Variants in ICE2 observed in about 807,000 individuals in gnomAD.
The protein encoded by ICE2 is little elongation complex subunit 2.
In ICE2, 87 loss-of-function variants were observed where a neutral mutation model predicts 105.4. The ratio of observed to expected loss-of-function variants is 0.83; its 90% confidence interval spans 0.69 to 0.99. The LOEUF (loss-of-function observed/expected upper bound fraction) is 0.99. ICE2 is among the 50% of genes least tolerant of loss of function. The pLI is 0.00. For synonymous variants in ICE2, 399 were observed against 392.0 expected, an observed-to-expected ratio of 1.02 and a Z score of -0.21; for missense variants, 1,323 against 1,146.7, an observed-to-expected ratio of 1.15 and a Z score of -2.22.
intron 11 of ICE2, among the ~76,000 whole-genome samples, chr15:60,444,683 TTTATTA>T (rs1054656862): frequency 3.9e-5 from 6 of 152,164 alleles, no homozygotes; most frequent in Non-Finnish European, 7.4e-5. Context: ...AATTAGCCTC[TTTATTA>T]TTATTTTTTT....
intron 3 of ICE2, among the ~76,000 whole-genome samples, chr15:60,468,663 T>C (rs1314002272): frequency 6.6e-6 from 1 of 152,206 alleles, no homozygotes; most frequent in East Asian, 1.9e-4. Context: ...TTTATTAAAT[T>C]TGAGTTTTTA....
Position 60,455,319 on chromosome 15 carries a change from T to C in ICE2, c.783+7A>G. 8 of 1,596,842 alleles carry C rather than the reference T, an allele frequency of 5.0e-6. No individual in the cohort carries two copies. The highest frequency in any genetic ancestry group is 6.9e-6 in the Non-Finnish European group (8 of 1,164,956). On this transcript the variant is annotated splice_region_variant and intron_variant, in intron 7 of 15. Coordinates refer to ENST00000261520, the MANE Select transcript of ICE2 (RefSeq NM_024611.6). ...TTAGGAAGATCCAATGTTGCCTTGG[T>C]ACTTACATAATGCATAGCTTCAGCT...
At chr15:60,468,569 T>C (rs1051526411) in intron 3 of ICE2, among the ~76,000 whole-genome samples, 2 of 152,242 alleles carry the variant, frequency 1.3e-5, no homozygotes, top group African/African-American at 2.4e-5. Context: ...GGTATACTTA[T>C]TCAATTTAGA....
At chr15:60,424,338 G>A (rs1033706360) in intron 15 of ICE2, among the ~76,000 whole-genome samples, 1 of 151,680 alleles carries the variant, frequency 6.6e-6, no homozygotes, top group African/African-American at 2.4e-5. Context: ...CAAGTAGCAG[G>A]GAAATCCTGA....
chr15:60,454,059 C>T (rs1376645080), intron 8 of ICE2, among the ~76,000 whole-genome samples: 1 of 152,110 alleles, frequency 6.6e-6, no homozygotes, highest in Admixed American at 6.5e-5. Flanking sequence ...GTCATTATTA[C>T]TCAGTTTCTT....
intron 12 of ICE2, chr15:60,440,476 C>T (rs1016370561): frequency 2.6e-5 from 4 of 152,190 alleles, no homozygotes; most frequent in South Asian, 2.1e-4. Context: ...AAGTGGGGAA[C>T]ATGTTTATAG....
At chr15:60,450,387 G>T (rs554262275) in intron 9 of ICE2, among the ~76,000 whole-genome samples, 16 of 152,228 alleles carry the variant, frequency 1.1e-4, no homozygotes, top group African/African-American at 3.9e-4. Context: ...TAAAAGATGG[G>T]GCAGAAATTG....
Position 60,453,295 on chromosome 15 carries a change from CA to C in ICE2, c.1125+307del, listed in dbSNP as rs1252591365. Reference sequence around the variant, plus strand: ...AACAAAACCTCATATTAACCACCACCATCAAGGAGTTTTCACTACATACATA... The same window carrying C: ...AACAAAACCTCATATTAACCACCACCTCAAGGAGTTTTCACTACATACATA... On this transcript the variant is annotated intron_variant, in intron 9 of 15. Coordinates refer to ENST00000261520, the MANE Select transcript of ICE2 (RefSeq NM_024611.6). 2.8e-6 allele frequency: 3 copies of C among 1,083,210 alleles called. No individual in the cohort carries two copies. In the Admixed American group the frequency reaches 1.5e-4, roughly 53 times the overall value. The allele number at this position is 1,083,210 out of a possible 1,614,324, so 67.1% of individuals were successfully genotyped here. A position where few individuals can be genotyped will look rare whatever the true frequency, so the allele number is the denominator to read the frequency against.
chr15:60,454,140 T>G (rs2064036880), intron 8 of ICE2, among the ~76,000 whole-genome samples: 1 of 152,224 alleles, frequency 6.6e-6, no homozygotes, highest in African/African-American at 2.4e-5. Flanking sequence ...AATTTGTAGT[T>G]TTGTTTCAAT....
At chr15:60,476,508 C>T (rs1278054960) in intron 2 of ICE2, among the ~76,000 whole-genome samples, 1 of 152,340 alleles carries the variant, frequency 6.6e-6, no homozygotes, top group East Asian at 1.9e-4. Flanking sequence ...GCTGGCCTCA[C>T]TTCTGGCTCT....
intron 15 of ICE2, among the ~76,000 whole-genome samples, chr15:60,425,203 T>C (rs574119272): frequency 6.6e-6 from 1 of 152,342 alleles, no homozygotes; most frequent in South Asian, 2.1e-4. Context: ...TACATTTACC[T>C]GACCAGAAAG....
At chr15:60,436,593 T>C (rs939425096) in intron 12 of ICE2, among the ~76,000 whole-genome samples, 27 of 151,536 alleles carry the variant, frequency 1.8e-4, no homozygotes, top group South Asian at 8.3e-4. Flanking sequence ...CGGGCGCCTG[T>C]AGTCCCATCT....
At chr15:60,433,803 T>TA (rs2063518146) in intron 13 of ICE2, among the ~76,000 whole-genome samples, 1 of 149,860 alleles carries the variant, frequency 6.7e-6, no homozygotes, top group African/African-American at 2.4e-5. Flanking sequence ...CTCCTTTTTT[T>TA]TAAAAAAAAA....
chr15:60,423,601 T>G lies in ICE2; in HGVS notation c.*33A>C, dbSNP rs1046657. On this transcript the variant is annotated 3_prime_UTR_variant, in exon 16 of 16. Transcript: ENST00000261520. Reference sequence around the variant, plus strand: ...TCTAAATTAAACACTGTTATAACTGTTTTTTTAAATTTAGTTTTCCATGGT... The same window carrying G: ...TCTAAATTAAACACTGTTATAACTGGTTTTTTAAATTTAGTTTTCCATGGT... The G allele has an allele frequency of 0.56, 878,159 of 1,570,068 alleles. 254,882 individuals are homozygous for G. Among genetic ancestry groups the G allele is most frequent in the East Asian group, 0.94 (40,189 of 42,598 alleles).
At chr15:60,452,398 C>G (rs976872202) in intron 9 of ICE2, 1 of 378,808 alleles carries the variant, frequency 2.6e-6, no homozygotes, top group South Asian at 1.1e-4. Flanking sequence ...CCTTCTTAAT[C>G]GTGAATATAA....
Position 60,466,639 on chromosome 15 carries a change from C to T in ICE2, c.483G>A (p.Ala161=), listed in dbSNP as rs1046505376. 6.2e-6 allele frequency: 10 copies of T among 1,611,572 alleles called. No homozygotes were observed. Among genetic ancestry groups the T allele is most frequent in the South Asian group, 3.3e-5 (3 of 90,880 alleles). ...KFLQNSAKKC[A]QDYNMLSDDA... is the part of the protein sequence containing the mutation. The stretch of plus-strand genomic sequence containing the variant: ...CATCAGAAAGCATATTATAATCCTG[C>T]GCACATTTCTTTGCAGAATTCTGCA... The change falls in exon 5 of 16, where the codon GCG becomes GCA. Residue 161 remains alanine, a synonymous_variant. Coordinates refer to ENST00000261520, the MANE Select transcript of ICE2 (RefSeq NM_024611.6).
chr15:60,464,237 G>C (rs1009152013), intron 5 of ICE2, among the ~76,000 whole-genome samples: 1 of 152,174 alleles, frequency 6.6e-6, no homozygotes, highest in Non-Finnish European at 1.5e-5. Context: ...AATGTACTTT[G>C]TTAATAAAGT....
intron 14 of ICE2, among the ~76,000 whole-genome samples, chr15:60,430,186 A>G (rs916730558): frequency 2.6e-5 from 4 of 152,226 alleles, no homozygotes; most frequent in Non-Finnish European, 5.9e-5. Context: ...AGAAGGCAGA[A>G]GAGACTCAAA....
Position 60,479,050 on chromosome 15 carries a change from C to G in ICE2, c.-140G>C, listed in dbSNP as rs1288746869. ...GCCCAGGCCGCAGCCACACACCACA[C>G]ACGCTCCACCCCACTCCTCACATTG... is the stretch of plus-strand genomic sequence containing the variant. On this transcript the variant is annotated 5_prime_UTR_variant, in exon 1 of 16. Transcript: ENST00000261520. 1 of 455,836 alleles carries G rather than the reference C, an allele frequency of 2.2e-6. No homozygotes were observed. Among genetic ancestry groups the G allele is most frequent in the Admixed American group, 2.3e-5 (1 of 42,554 alleles). The allele number at this position is 455,836 out of a possible 1,614,324, so 28.2% of individuals were successfully genotyped here. A position where few individuals can be genotyped will look rare whatever the true frequency, so the allele number is the denominator to read the frequency against.
Sources: allele counts gnomAD v4.1 joint callset (sites outside exome capture counted in the v4.1 genomes callset), GRCh38; gene constraint gnomAD v4.1.1; transcripts MANE v1.5; gene names NCBI Gene and HGNC (gene_info 2026-07-23, HGNC 2026-07-21).